Variants in PSMD1 observed in about 807,000 individuals in gnomAD.
PSMD1 encodes the protein 26S proteasome non-ATPase regulatory subunit 1.
PSMD1 carries 18 observed loss-of-function variants against 119.0 expected under a neutral mutation model. The observed-to-expected ratio is 0.15, with a 90% CI of 0.10 to 0.22. The LOEUF (loss-of-function observed/expected upper bound fraction) is 0.22, where lower values mean the gene tolerates loss of function less well. Among genes scored for constraint, PSMD1 ranks in the 10% least tolerant of loss-of-function variants. The pLI, the probability that PSMD1 is intolerant of heterozygous loss-of-function variation, is 1.00. For missense variants in PSMD1, 702 were observed against 1,158.5 expected, an observed-to-expected ratio of 0.61 and a Z score of 5.72; for synonymous variants, 374 against 396.6, an observed-to-expected ratio of 0.94 and a Z score of 0.68.
intron 17 of PSMD1, among the ~76,000 whole-genome samples, chr2:231,139,468 C>G (rs544174764): frequency 6.9e-6 from 1 of 145,968 alleles, no homozygotes; most frequent in Admixed American, 6.9e-5. Flanking sequence ...GCTGGTCTCA[C>G]ATTCCTGGGA....
intron 4 of PSMD1, 150 bp from the exon 5 acceptor site, chr2:231,066,756 G>A: frequency 1.7e-6 from 1 of 588,730 alleles, no homozygotes; most frequent in East Asian, 3.0e-5. Flanking sequence ...TGGGAGAACA[G>A]TATTCAAATG....
intron 18 of PSMD1, among the ~76,000 whole-genome samples, chr2:231,153,008 A>G (rs1696405340): frequency 6.6e-6 from 1 of 152,234 alleles, no homozygotes; most frequent in Non-Finnish European, 1.5e-5. Context: ...CACATTTTCC[A>G]TTCCGATACT....
intron 16 of PSMD1, among the ~76,000 whole-genome samples, chr2:231,092,568 G>A (rs142469502): frequency 1.6e-3 from 251 of 152,304 alleles, no homozygotes; most frequent in African/African-American, 5.6e-3. Context: ...GGGATATCCC[G>A]TCCCTCCATC....
At chr2:231,091,058 A>C (rs1046266298) in intron 16 of PSMD1, among the ~76,000 whole-genome samples, 1 of 152,208 alleles carries the variant, frequency 6.6e-6, no homozygotes, top group African/African-American at 2.4e-5. Context: ...TCAGACATGG[A>C]TATCCAGTGA....
chr2:231,099,295 A>G (rs1237283683), intron 16 of PSMD1, among the ~76,000 whole-genome samples: 1 of 152,190 alleles, frequency 6.6e-6, no homozygotes. Flanking sequence ...TTTGCCTCCA[A>G]TAAAGGGCAT....
At chr2:231,067,144 T>C in intron 5 of PSMD1, 33 bp downstream of exon 5, 1 of 1,466,950 alleles carries the variant, frequency 6.8e-7, no homozygotes, top group East Asian at 2.4e-5. Flanking sequence ...GAAATTATTG[T>C]TGATAGGGAA....
chr2:231,153,650 G>A lies in PSMD1; in HGVS notation c.2202G>A (p.Gln734=). ...CCAAGTTTGGCGCTATTCTGGCCCA[G>A]GGCATACTGGATGCAGGTAAATGTT... ...VMAKFGAILA[Q]GILDAGGHNV... The change falls in exon 19 of 25, where the codon CAG becomes CAA. Residue 734 remains glutamine (Q), a synonymous_variant. Transcript: ENST00000308696. 2 of 1,606,918 alleles carry A rather than the reference G, an allele frequency of 1.2e-6. No individual in the cohort carries two copies. The highest frequency in any genetic ancestry group is 1.7e-6 in the Non-Finnish European group (2 of 1,175,680).
chr2:231,096,818 G>T (rs780986249), intron 16 of PSMD1, among the ~76,000 whole-genome samples: 2 of 152,186 alleles, frequency 1.3e-5, no homozygotes, highest in South Asian at 4.1e-4. Context: ...ATTCTGATTG[G>T]CTAACTTAAA....
At chr2:231,143,591 C>T (rs1035620) in intron 17 of PSMD1, among the ~76,000 whole-genome samples, 74,889 of 152,032 alleles carry the variant, frequency 0.49, 21,956 homozygotes, top group African/African-American at 0.81. Flanking sequence ...AGAAGTTATA[C>T]GGGGCAAAAG....
intron 1 of PSMD1, among the ~76,000 whole-genome samples, chr2:231,057,710 T>C (rs1693638629): frequency 6.6e-6 from 1 of 152,254 alleles, no homozygotes; most frequent in Non-Finnish European, 1.5e-5. Context: ...CAAGAAAGAA[T>C]GGATGGATCT....
intron 23 of PSMD1, among the ~76,000 whole-genome samples, chr2:231,166,891 G>C (rs949190583): frequency 2.6e-5 from 4 of 152,192 alleles, no homozygotes; most frequent in Admixed American, 2.6e-4. Flanking sequence ...AAAGCCAAGG[G>C]ATGCAAGATA....
intron 19 of PSMD1, among the ~76,000 whole-genome samples, chr2:231,156,146 A>G (rs924524234): frequency 2.6e-5 from 4 of 152,150 alleles, no homozygotes; most frequent in Non-Finnish European, 4.4e-5. Context: ...TACTAAGTCT[A>G]GACACTTAAT....
intron 5 of PSMD1, among the ~76,000 whole-genome samples, chr2:231,069,557 T>A (rs561207689): frequency 6.6e-6 from 1 of 152,280 alleles, no homozygotes; most frequent in African/African-American, 2.4e-5. Context: ...ACCAGACAGA[T>A]GTGGCAGTAC....
intron 12 of PSMD1, 127 bp downstream of exon 12, chr2:231,080,441 ATT>A (rs552299853): frequency 2.9e-4 from 178 of 619,388 alleles, no homozygotes; most frequent in South Asian, 4.2e-4. Context: ...GTCATCTTGG[ATT>A]TTTTTTTTTT....
At chr2:231,110,565 C>T (rs902555445) in intron 16 of PSMD1, among the ~76,000 whole-genome samples, 1 of 150,852 alleles carries the variant, frequency 6.6e-6, no homozygotes, top group African/African-American at 2.4e-5. Context: ...CAAGAGCACC[C>T]CTCATCTACA....
chr2:231,145,433 G>A (rs1054988522), intron 17 of PSMD1, among the ~76,000 whole-genome samples: 1 of 152,230 alleles, frequency 6.6e-6, no homozygotes, highest in Non-Finnish European at 1.5e-5. Flanking sequence ...TTGAGTGAAT[G>A]TGAGGGCGTA....
In PSMD1 at chr2:231,072,288, T is replaced by G. The variant is rs1694060153; in HGVS notation, c.754T>G (p.Leu252Val). 1 of 1,613,828 alleles carries G rather than the reference T, an allele frequency of 6.2e-7. No individual in the cohort carries two copies. Among genetic ancestry groups the G allele is most frequent in the African/African-American group, 1.3e-5 (1 of 74,912 alleles). Residue 252 changes from leucine (L) to valine (V), a missense_variant, in exon 7 of 25, where the codon TTG (leucine) becomes GTG (valine). Physicochemically the swap from Leu to Val is conservative, Grantham distance 32 (BLOSUM62 1). Transcript: ENST00000308696. ...LLMAYQICFD[L>V]YESASQQFLS... ...GATGGCATATCAGATTTGTTTTGAT[T>G]TGTATGAAAGTGCTAGCCAGCAGTT...
intron 16 of PSMD1, among the ~76,000 whole-genome samples, chr2:231,117,910 T>C (rs777606384): frequency 3.9e-5 from 6 of 152,182 alleles, no homozygotes; most frequent in Non-Finnish European, 7.4e-5. Flanking sequence ...TACATGGGGT[T>C]ATTTAAGGTA....
chr2:231,077,081 T>C lies in PSMD1; in HGVS notation c.990T>C (p.Ser330=). 1 of 1,606,626 alleles carries C rather than the reference T, an allele frequency of 6.2e-7. No homozygotes were observed. The change falls in exon 9 of 25, where the codon AGT becomes AGC. Residue 330 remains serine (S), a synonymous_variant. Transcript: ENST00000308696. ...CTTTGAAAATGATTAAAATTTTAAGTGGTGAAATGGCTATTGAGTTACATC... is the reference window on the plus strand; with the variant it reads ...CTTTGAAAATGATTAAAATTTTAAGCGGTGAAATGGCTATTGAGTTACATC... ...DQTLKMIKIL[S]GEMAIELHLQ... is the part of the protein sequence containing the mutation.
Sources: allele counts gnomAD v4.1 joint callset (sites outside exome capture counted in the v4.1 genomes callset), GRCh38; gene constraint gnomAD v4.1.1; transcripts MANE v1.5; gene names NCBI Gene and HGNC (gene_info 2026-07-23, HGNC 2026-07-21).